PSMF1: variants seen among roughly 807,000 people sequenced by gnomAD.
PSMF1 encodes proteasome inhibitor subunit 1, also known as proteasome inhibitor PI31 subunit.
A neutral mutation model predicts 29.3 loss-of-function variants in PSMF1; 30 were observed. The ratio of observed to expected loss-of-function variants is 1.02; its 90% CI spans 0.77 to 1.39. The LOEUF (loss-of-function observed/expected upper bound fraction) is 1.39. PSMF1 is among the 40% of genes most tolerant of loss of function. The pLI, the probability that PSMF1 is intolerant of heterozygous loss-of-function variation, is 0.00. For synonymous variants in PSMF1, 134 were observed against 139.7 expected (o/e 0.96, Z 0.29); for missense variants, 344 against 357.5 (o/e 0.96, Z 0.31).
chr20:1,154,435 C>T (rs766943191), intron 4 of PSMF1, among the ~76,000 whole-genome samples: 3 of 152,200 alleles, frequency 2.0e-5, no homozygotes, highest in Non-Finnish European at 2.9e-5. Flanking sequence ...GCTCTGTTTG[C>T]TCAGGGCCCT....
upstream of PSMF1, chr20:1,118,432 A>G: frequency 4.4e-6 from 1 of 225,326 alleles, no homozygotes; most frequent in Non-Finnish European, 8.8e-6. Flanking sequence ...GGCCTCTTGG[A>G]GGACGCTGTG....
In PSMF1 at chr20:1,164,276, TC is replaced by T; in HGVS notation, c.606-40del. On this transcript the variant is annotated intron_variant, in intron 5 of 6. Coordinates refer to ENST00000335877, the MANE Select transcript of PSMF1 (RefSeq NM_006814.5). The surrounding 1 kb of genome is among the most constrained non-coding windows in gnomAD (Gnocchi z 4.1). ...TCCCTCGCCTTTTCTCCAAGGGCAGTCCTTGCCACACCTGCTTACCTAACTT... is the reference window on the plus strand; with the variant it reads ...TCCCTCGCCTTTTCTCCAAGGGCAGTCTTGCCACACCTGCTTACCTAACTT... 6.4e-7 allele frequency: 1 copy of T among 1,570,194 alleles called. No individual in the cohort carries two copies. The highest frequency in any genetic ancestry group is 1.1e-5 in the South Asian group (1 of 90,168).
chr20:1,126,255 G>T (rs1238124285), intron 2 of PSMF1, among the ~76,000 whole-genome samples: 1 of 152,126 alleles, frequency 6.6e-6, no homozygotes, highest in African/African-American at 2.4e-5. Context: ...TCTGCCATGG[G>T]ACTATAAGTG....
chr20:1,164,201 C>A lies in PSMF1; in HGVS notation c.606-117C>A. ...TCTCAGGCAGCCATCCACATGTCTGCTTGGGCCATCCAGAGTAGACATCCC... is the reference window on the plus strand; with the variant it reads ...TCTCAGGCAGCCATCCACATGTCTGATTGGGCCATCCAGAGTAGACATCCC... On this transcript the variant is annotated intron_variant, in intron 5 of 6. Coordinates refer to ENST00000335877, the MANE Select transcript of PSMF1 (RefSeq NM_006814.5). This position sits in a 1 kb window ranked among gnomAD's most constrained non-coding sequence, Gnocchi z 4.1. The A allele has an allele frequency of 1.8e-6, 2 of 1,095,936 alleles. No homozygotes were observed. The highest frequency in any genetic ancestry group is 1.4e-6 in the Non-Finnish European group (1 of 727,098). The allele number at this position is 1,095,936 out of a possible 1,614,324, so 67.9% of individuals were successfully genotyped here.
At chr20:1,160,958 C>A (rs1024360213) in intron 4 of PSMF1, 37 of 429,518 alleles carry the variant, frequency 8.6e-5, no homozygotes, top group Non-Finnish European at 1.4e-4. Flanking sequence ...ATGTTTGAGA[C>A]CTTCAATACC....
At chr20:1,148,504 T>C (rs2086485151) in intron 4 of PSMF1, among the ~76,000 whole-genome samples, 1 of 152,262 alleles carries the variant, frequency 6.6e-6, no homozygotes, top group Non-Finnish European at 1.5e-5. Flanking sequence ...AAAGCTCTTA[T>C]TTATGTCATT....
At chr20:1,142,253 TAACTC>T (rs1462472813) in intron 4 of PSMF1, among the ~76,000 whole-genome samples, 1 of 151,274 alleles carries the variant, frequency 6.6e-6, no homozygotes, top group Non-Finnish European at 1.5e-5. Flanking sequence ...AAAACTAAAA[TAACTC>T]AGCTATAATT....
chr20:1,147,738 T>C (rs977055255), intron 4 of PSMF1, among the ~76,000 whole-genome samples: 1 of 152,192 alleles, frequency 6.6e-6, no homozygotes, highest in Non-Finnish European at 1.5e-5. Flanking sequence ...CATTTGTCCA[T>C]GAGCTCAGAT....
chr20:1,124,392 C>T (rs2086126928), intron 1 of PSMF1, among the ~76,000 whole-genome samples: 1 of 152,036 alleles, frequency 6.6e-6, no homozygotes, highest in Admixed American at 6.6e-5. Flanking sequence ...AGCATTTTAC[C>T]CCTACTAGAT....
At chr20:1,159,511 C>G (rs907209172) in intron 4 of PSMF1, among the ~76,000 whole-genome samples, 3 of 152,204 alleles carry the variant, frequency 2.0e-5, no homozygotes, top group Admixed American at 6.5e-5. Flanking sequence ...TCTCTCTTCC[C>G]CACATTTCGT....
Position 1,169,787 on chromosome 20 carries a change from C to G in PSMF1, c.*4707C>G, listed in dbSNP as rs1441063469. ...ATTGAATGCGTCTGGTTGTTGGAAC[C>G]TACATGGCCTCTCAAATGGTACTGG... On this transcript the variant is annotated 3_prime_UTR_variant, in exon 7 of 7. Transcript: ENST00000335877. Among the ~76,000 whole-genome samples the G allele has an allele frequency of 6.6e-6, 1 of 152,186 alleles. No individual in the cohort carries two copies. The highest frequency in any genetic ancestry group is 1.5e-5 in the Non-Finnish European group (1 of 68,032).
At chr20:1,154,379 G>A (rs2086568176) in intron 4 of PSMF1, among the ~76,000 whole-genome samples, 1 of 152,084 alleles carries the variant, frequency 6.6e-6, no homozygotes, top group Non-Finnish European at 1.5e-5. Flanking sequence ...GTTCAGCTTT[G>A]ATCTCACAGG....
chr20:1,163,552 ACT>A lies in PSMF1; in HGVS notation c.605+372_605+373del, dbSNP rs1568484398. Among the ~76,000 whole-genome samples the A allele has an allele frequency of 6.6e-6, 1 of 152,026 alleles. No individual in the cohort carries two copies. The highest frequency in any genetic ancestry group is 1.5e-5 in the Non-Finnish European group (1 of 67,996). On this transcript the variant is annotated intron_variant, in intron 5 of 6. Coordinates refer to ENST00000335877, the MANE Select transcript of PSMF1 (RefSeq NM_006814.5). This position sits in a 1 kb window ranked among gnomAD's most constrained non-coding sequence, Gnocchi z 6.1. The stretch of plus-strand genomic sequence containing the variant: ...AAAGGGAGTCTCTGAGCCCCATTAG[ACT>A]CTGGATGGTTCTTATGCATCCAACA...
Position 1,118,649 on chromosome 20 carries a change from G to A in PSMF1, c.-125G>A. ...CCCGGGCGTCTCCATTTTGGTCTCA[G>A]GTGTGGACTCGGCAAGAACCAGCGC... On this transcript the variant is annotated 5_prime_UTR_variant, in exon 1 of 7. Transcript: ENST00000335877. 3 of 1,250,278 alleles carry A rather than the reference G, an allele frequency of 2.4e-6. No homozygotes were observed. Among genetic ancestry groups the A allele is most frequent in the Non-Finnish European group, 3.2e-6 (3 of 924,652 alleles). 77.4% of individuals were successfully genotyped at this position (1,250,278 alleles called of 1,614,324 possible). A position where few individuals can be genotyped will look rare whatever the true frequency, so the allele number is the denominator to read the frequency against.
chr20:1,128,804 A>G (rs868767548), intron 3 of PSMF1, among the ~76,000 whole-genome samples: 2 of 152,086 alleles, frequency 1.3e-5, no homozygotes, highest in Middle Eastern at 6.8e-3. Flanking sequence ...TGTTCAAGCA[A>G]TTCTTCTGCC....
intron 3 of PSMF1, among the ~76,000 whole-genome samples, chr20:1,131,452 A>G (rs1453950005): frequency 6.6e-6 from 1 of 152,246 alleles, no homozygotes; most frequent in Admixed American, 6.5e-5. Flanking sequence ...ATGTCAGCAC[A>G]TAGAGTGCTT....
In PSMF1 at chr20:1,135,320, G is replaced by A. The variant is rs770130693; in HGVS notation, c.551+14G>A. On this transcript the variant is annotated intron_variant, in intron 4 of 6. Coordinates refer to ENST00000335877, the MANE Select transcript of PSMF1 (RefSeq NM_006814.5). ...GCAGCCTCCCTGGTGAGTACAGAGT[G>A]CCTAGCGGGAAGCCCATGCTTCTGT... The A allele has an allele frequency of 6.3e-7, 1 of 1,596,446 alleles. No homozygotes were observed. The highest frequency in any genetic ancestry group is 8.5e-7 in the Non-Finnish European group (1 of 1,170,920).
At chr20:1,150,623 T>C (rs1054992082) in intron 4 of PSMF1, among the ~76,000 whole-genome samples, 1 of 152,204 alleles carries the variant, frequency 6.6e-6, no homozygotes, top group Non-Finnish European at 1.5e-5. Context: ...TTTTTATGAC[T>C]TGTTGGCATT....
intron 4 of PSMF1, among the ~76,000 whole-genome samples, chr20:1,157,908 G>A (rs1425566483): frequency 6.6e-6 from 1 of 152,048 alleles, no homozygotes; most frequent in Non-Finnish European, 1.5e-5. Flanking sequence ...TGCCTTAATG[G>A]ATCTCCTGTA....
Sources: gnomAD v4.1 joint callset for allele counts (sites outside exome capture counted in the v4.1 genomes callset) on GRCh38, gnomAD v4.1.1 for gene constraint, Gnocchi (gnomAD v3.1) non-coding constraint, MANE v1.5 for transcripts, NCBI Gene and HGNC (gene_info 2026-07-23, HGNC 2026-07-21) for gene names.